The following NEDD4L variants were observed in gnomAD, a reference collection of about 807,000 sequenced individuals.
NEDD4L encodes the protein E3 ubiquitin-protein ligase NEDD4-like.
NEDD4L carries 54 observed loss-of-function variants against 148.9 expected under a neutral mutation model. The observed-to-expected ratio is 0.36, with a 90% CI of 0.29 to 0.45. The LOEUF (loss-of-function observed/expected upper bound fraction) is 0.45, where lower values mean the gene tolerates loss of function less well. Ranked by LOEUF, NEDD4L falls within the 20% of genes least tolerant of loss-of-function variation. The pLI, the probability that NEDD4L is intolerant of heterozygous loss-of-function variation, is 1.00. For synonymous variants in NEDD4L, 433 were observed against 440.7 expected (o/e 0.98, Z 0.22); for missense variants, 856 against 1,233.8 (o/e 0.69, Z 4.59).
chr18:58,388,229 C>T (rs2049310609), intron 27 of NEDD4L: 1 of 152,214 alleles, frequency 6.6e-6, no homozygotes, highest in South Asian at 2.1e-4. Context: ...GGGACTCGGC[C>T]ATTTGCCCCG....
At position 58,072,819 on chromosome 18, in the gene NEDD4L, G is replaced by A. The variant is rs146320391; in HGVS notation, c.48+28111G>A. On this transcript the variant is annotated intron_variant, in intron 1 of 30. Coordinates refer to ENST00000400345, the MANE Select transcript of NEDD4L (RefSeq NM_001144967.3). Reference sequence around the variant, plus strand: ...AACTATAACTAGAAAAGTATCTGTAGTTACAGTTGACATGATCTTGTATAT... The same window carrying A: ...AACTATAACTAGAAAAGTATCTGTAATTACAGTTGACATGATCTTGTATAT... Among the ~76,000 whole-genome samples the A allele has an allele frequency of 1.8e-4, 28 of 151,872 alleles. No homozygotes were observed. The East Asian group carries it at 5.4e-3, about 30-fold the overall frequency.
intron 6 of NEDD4L, among the ~76,000 whole-genome samples, chr18:58,316,701 A>C (rs1208949013): frequency 6.6e-6 from 1 of 152,224 alleles, no homozygotes; most frequent in African/African-American, 2.4e-5. Flanking sequence ...GAGGCAGGGC[A>C]GACAGAATGT....
chr18:58,334,105 G>T, intron 12 of NEDD4L: 1 of 462,710 alleles, frequency 2.2e-6, no homozygotes, highest in South Asian at 4.8e-5. Flanking sequence ...AACCTCCATT[G>T]CTTTAGTTTT....
chr18:58,137,608 GA>G (rs2146072534), intron 1 of NEDD4L, among the ~76,000 whole-genome samples: 1 of 152,320 alleles, frequency 6.6e-6, no homozygotes, highest in African/African-American at 2.4e-5. Flanking sequence ...TCTTTTGACT[GA>G]TTCTTCCAAC....
At chr18:58,167,231 C>G (rs1307273575) in intron 2 of NEDD4L, among the ~76,000 whole-genome samples, 1 of 152,184 alleles carries the variant, frequency 6.6e-6, no homozygotes, top group Admixed American at 6.5e-5. Context: ...TGAAGGCACT[C>G]TCTTGCTTGA....
At chr18:58,264,862 CTT>C (rs1193402458) in intron 5 of NEDD4L, among the ~76,000 whole-genome samples, 1 of 152,048 alleles carries the variant, frequency 6.6e-6, no homozygotes, top group South Asian at 2.1e-4. Context: ...CTTTTTCTCT[CTT>C]GAGTATGAAA....
intron 4 of NEDD4L, 138 bp downstream of exon 4, chr18:58,249,075 G>A (rs1276697656): frequency 4.2e-6 from 2 of 474,734 alleles, no homozygotes; most frequent in African/African-American, 2.0e-5. Context: ...GCCTCCTAAT[G>A]TGTCCCAAAT....
chr18:58,250,989 C>T lies in NEDD4L; in HGVS notation c.244-1012C>T, dbSNP rs117343561. Among the ~76,000 whole-genome samples, 37 of 152,248 alleles carry T rather than the reference C, an allele frequency of 2.4e-4. No homozygotes were observed. The East Asian group carries it at 4.1e-3, about 17-fold the overall frequency. On this transcript the variant is annotated intron_variant, in intron 4 of 30. Coordinates refer to ENST00000400345, the MANE Select transcript of NEDD4L (RefSeq NM_001144967.3). The stretch of plus-strand genomic sequence containing the variant: ...AAGCCCAGTAGCTCTGTCATTGCCT[C>T]ACAGTTCCAGGTCTCTCTCATGGTT...
chr18:58,343,199 G>A, intron 16 of NEDD4L, 96 bp downstream of exon 16: 1 of 1,152,202 alleles, frequency 8.7e-7, no homozygotes, highest in South Asian at 1.7e-5. Flanking sequence ...CAGAGGAATT[G>A]GATTGACTGT....
intron 1 of NEDD4L, among the ~76,000 whole-genome samples, chr18:58,097,817 A>T (rs2084513124): frequency 6.6e-6 from 1 of 152,264 alleles, no homozygotes; most frequent in Admixed American, 6.5e-5. Context: ...GGATCGCTTG[A>T]ACCCAGGAGT....
rs2042452117 is a variant in NEDD4L, at chr18:58,341,758, C to T, written c.1338C>T (p.Ser446=). The T allele has an allele frequency of 6.2e-7, 1 of 1,613,856 alleles. No individual in the cohort carries two copies. Among genetic ancestry groups the T allele is most frequent in the African/African-American group, 1.3e-5 (1 of 75,054 alleles). Residue 446 remains serine, a synonymous_variant, in exon 15 of 31, where the codon AGC becomes AGT. Transcript: ENST00000400345. ...AGCCTCAGATCCGCCGGCCTCGTAG[C>T]CTCAGCTCGCCAACAGTAACTTTAT... ...LIEPQIRRPR[S]LSSPTVTLSA... is the part of the protein sequence containing the mutation.
At chr18:58,145,240 C>T (rs1599085669) in intron 1 of NEDD4L, among the ~76,000 whole-genome samples, 1 of 152,088 alleles carries the variant, frequency 6.6e-6, no homozygotes, top group Non-Finnish European at 1.5e-5. Context: ...TGTGGGGGTC[C>T]AAGTGCCAAG....
intron 1 of NEDD4L, among the ~76,000 whole-genome samples, chr18:58,096,350 TA>T (rs1259147594): frequency 1.1e-3 from 8 of 7,342 alleles, no homozygotes; most frequent in Non-Finnish European, 2.8e-3. Flanking sequence ...TTATTTTATT[TA>T]TTTTATTTTA....
intron 2 of NEDD4L, among the ~76,000 whole-genome samples, chr18:58,220,680 G>C (rs1317312297): frequency 1.3e-5 from 2 of 152,222 alleles, no homozygotes; most frequent in Non-Finnish European, 2.9e-5. Flanking sequence ...AAAGTTAGCT[G>C]TTTGCTACAA....
chr18:58,088,998 C>T (rs928736267), intron 1 of NEDD4L, among the ~76,000 whole-genome samples: 5 of 152,140 alleles, frequency 3.3e-5, no homozygotes, highest in East Asian at 1.9e-4. Context: ...GGTCCCCACT[C>T]GCCTACAGCT....
At chr18:58,235,376 G>A (rs2045891385) in intron 2 of NEDD4L, among the ~76,000 whole-genome samples, 1 of 152,160 alleles carries the variant, frequency 6.6e-6, no homozygotes, top group Non-Finnish European at 1.5e-5. Context: ...GTCCCTCTCT[G>A]CAATGCAAAA....
chr18:58,304,403 A>G (rs2056838950), intron 5 of NEDD4L, among the ~76,000 whole-genome samples: 2 of 151,802 alleles, frequency 1.3e-5, no homozygotes, highest in South Asian at 2.1e-4. Flanking sequence ...AGTCTTAGCT[A>G]CTCAGGAGGC....
At chr18:58,133,602 T>G in intron 1 of NEDD4L, among the ~76,000 whole-genome samples, 1 of 152,238 alleles carries the variant, frequency 6.6e-6, no homozygotes, top group South Asian at 2.1e-4. Context: ...TTGATTTTTT[T>G]TCTTAATATA....
At chr18:58,205,237 C>T (rs292442) in intron 2 of NEDD4L, among the ~76,000 whole-genome samples, 87,757 of 152,060 alleles carry the variant, frequency 0.58, 26,146 homozygotes, top group Non-Finnish European at 0.65. Flanking sequence ...TTCTAGCTAG[C>T]ACAGGCACAG....
Sources: allele counts gnomAD v4.1 joint callset (sites outside exome capture counted in the v4.1 genomes callset), GRCh38; gene constraint gnomAD v4.1.1; transcripts MANE v1.5; gene names NCBI Gene and HGNC (gene_info 2026-07-23, HGNC 2026-07-21).